The following ATM variants were observed in gnomAD, a reference collection of about 807,000 sequenced individuals.
ATM encodes ATM serine/threonine kinase.
ATM carries 308 observed loss-of-function variants against 387.0 expected under a neutral mutation model. That is an observed-to-expected ratio of 0.80 (90% CI 0.73 to 0.87). The LOEUF is 0.87. ATM is among the 40% of genes least tolerant of loss of function. The pLI is 0.00. For missense variants in ATM, 3,312 were observed against 3,560.9 expected, an observed-to-expected ratio of 0.93 and a Z score of 1.78; for synonymous variants, 1,156 against 1,187.3, an observed-to-expected ratio of 0.97 and a Z score of 0.54.
chr11:108,279,678 A>G lies in ATM; in HGVS notation c.3402+70A>G, dbSNP rs3218671. On this transcript the variant is annotated intron_variant, in intron 23 of 62. Coordinates refer to ENST00000675843, the MANE Select transcript of ATM (RefSeq NM_000051.4). ...TGAATATCCCATAAATTACTTCACC[A>G]AGTTTGGTATAAGAGAGTTTATAAT... is the stretch of plus-strand genomic sequence containing the variant. 2,677 of 1,238,494 alleles carry G rather than the reference A, an allele frequency of 2.2e-3. 51 individuals carry two copies. In the African/African-American group the frequency reaches 0.035, roughly 16 times the overall value. 76.7% of individuals were successfully genotyped at this position (1,238,494 alleles called of 1,614,324 possible).
At chr11:108,294,493 G>A (rs539408553) in intron 31 of ATM, among the ~76,000 whole-genome samples, 23 of 152,248 alleles carry the variant, frequency 1.5e-4, no homozygotes, top group South Asian at 1.2e-3. Context: ...TAATCCCAGT[G>A]CTTTGGAAGG....
chr11:108,253,319 G>C (rs748493343), intron 12 of ATM, among the ~76,000 whole-genome samples: 58 of 152,130 alleles, frequency 3.8e-4, no homozygotes, highest in Middle Eastern at 3.2e-3. Flanking sequence ...CCTGAGTTTA[G>C]TTGATTGACT....
rs2085974792 is a variant in ATM, at chr11:108,329,037, G to C, written c.7106G>C (p.Gly2369Ala). The C allele has an allele frequency of 6.2e-7, 1 of 1,614,058 alleles. No homozygotes were observed. Among genetic ancestry groups the C allele is most frequent in the Non-Finnish European group, 8.5e-7 (1 of 1,179,974 alleles). The change falls in exon 49 of 63, where the codon GGA becomes GCA. Residue 2369 changes from glycine (G) to alanine (A), a missense_variant. Physicochemically the swap from Gly to Ala is moderately conservative, Grantham distance 60 (BLOSUM62 0). Coordinates refer to ENST00000675843, the MANE Select transcript of ATM (RefSeq NM_000051.4). The stretch of plus-strand genomic sequence containing the variant: ...TTCTTGAAGGCAGTAGAAGTTGCTG[G>C]AAATTATGATGGAGAAAGTAGTGAT... ...TYLEKAVEVA[G>A]NYDGESSDEL...
rs1327530332 is a variant in ATM, at chr11:108,366,403, T to A, written c.*895T>A. 1 of 218,424 alleles carries A rather than the reference T, an allele frequency of 4.6e-6. No individual in the cohort carries two copies. Among genetic ancestry groups the A allele is most frequent in the African/African-American group, 2.2e-5 (1 of 44,568 alleles). 13.5% of individuals were successfully genotyped at this position (218,424 alleles called of 1,614,324 possible). On this transcript the variant is annotated 3_prime_UTR_variant, in exon 63 of 63. Transcript: ENST00000675843. ...CTTGATGTCATTTTTAATGTTTTTT[T>A]AATGTTTTTTATGTCACTAATTATT...
In ATM at chr11:108,335,922, G is replaced by A. The variant is rs150603052; in HGVS notation, c.8229G>A (p.Thr2743=). 53 of 1,613,768 alleles carry A rather than the reference G, an allele frequency of 3.3e-5. No individual in the cohort carries two copies. In the East Asian group the frequency reaches 8.5e-4, roughly 26 times the overall value. The change falls in exon 56 of 63, where the codon ACG becomes ACA. Residue 2743 remains threonine (T), a synonymous_variant. Coordinates refer to ENST00000675843, the MANE Select transcript of ATM (RefSeq NM_000051.4). ...GTAATACATTACTGCAGAGAAACAC[G>A]GAAACTAGGAAGAGGAAATTAACTA... The part of the protein sequence containing the change: ...QMCNTLLQRN[T]ETRKRKLTIC...
chr11:108,261,042 G>T (rs957430958), intron 16 of ATM, among the ~76,000 whole-genome samples: 5 of 152,200 alleles, frequency 3.3e-5, no homozygotes, highest in African/African-American at 9.6e-5. Context: ...AAACTGCAAG[G>T]CGGCAGCGAG....
chr11:108,300,017 T>A, intron 34 of ATM, 132 bp downstream of exon 34: 1 of 849,708 alleles, frequency 1.2e-6, no homozygotes, highest in Non-Finnish European at 1.8e-6. Flanking sequence ...ATGAAAATTC[T>A]TATATTTTTA....
chr11:108,354,064 CACACAA>C lies in ATM; in HGVS notation c.8786+190_8786+195del, dbSNP rs200076664. Among the ~76,000 whole-genome samples the C allele has an allele frequency of 0.026, 2,691 of 103,034 alleles. 39 individuals are homozygous for C. Among genetic ancestry groups the C allele is most frequent in the East Asian group, 0.048 (135 of 2,786 alleles). The allele number at this position is 103,034 out of a possible 152,430, so 67.6% of individuals were successfully genotyped here. A position where few individuals can be genotyped will look rare whatever the true frequency, so the allele number is the denominator to read the frequency against. On this transcript the variant is annotated intron_variant, in intron 60 of 62. Coordinates refer to ENST00000675843, the MANE Select transcript of ATM (RefSeq NM_000051.4). ...GACCCTGTATCTAAAAAAATACACA[CACACAA>C]ACACACACACACACACACACACACA...
chr11:108,229,414 CTG>C, intron 4 of ATM, 91 bp downstream of exon 4: 1 of 1,225,046 alleles, frequency 8.2e-7, no homozygotes, highest in Non-Finnish European at 1.2e-6. Context: ...AAGGACTTAA[CTG>C]TTGCATAAGT....
chr11:108,275,144 CTTTGTTGGATG>C (rs2081868076), intron 22 of ATM, among the ~76,000 whole-genome samples: 1 of 152,072 alleles, frequency 6.6e-6, no homozygotes, highest in African/African-American at 2.4e-5. Context: ...CTTTCTTGAT[CTTTGTTGGATG>C]TTTGTTTTAT....
intron 16 of ATM, among the ~76,000 whole-genome samples, chr11:108,263,426 T>A: frequency 7.5e-6 from 1 of 132,770 alleles, no homozygotes; most frequent in Non-Finnish European, 1.7e-5. Context: ...AAAGATGTTC[T>A]TTGAAACCAC....
chr11:108,338,952 T>A (rs532062629), intron 56 of ATM, among the ~76,000 whole-genome samples: 9 of 152,170 alleles, frequency 5.9e-5, no homozygotes, highest in Non-Finnish European at 1.2e-4. Flanking sequence ...TCAGGTCTTC[T>A]GTGGTCATTG....
intron 48 of ATM, 41 bp downstream of exon 48, chr11:108,327,799 T>C (rs2085834695): frequency 7.2e-7 from 1 of 1,380,158 alleles, no homozygotes; most frequent in East Asian, 2.3e-5. Flanking sequence ...TTACTTAGCA[T>C]GAATATGCTT....
intron 61 of ATM, among the ~76,000 whole-genome samples, chr11:108,363,776 C>T (rs2091052412): frequency 6.6e-6 from 1 of 152,182 alleles, no homozygotes; most frequent in African/African-American, 2.4e-5. Flanking sequence ...CCAGTTCCTC[C>T]TTAATTCTAA....
At chr11:108,363,753 T>C (rs1265929017) in intron 61 of ATM, among the ~76,000 whole-genome samples, 2 of 152,194 alleles carry the variant, frequency 1.3e-5, no homozygotes, top group East Asian at 3.8e-4. Flanking sequence ...TGAAACATAA[T>C]TTTTTACTTA....
intron 12 of ATM, among the ~76,000 whole-genome samples, chr11:108,253,438 TG>T (rs753401395): frequency 4.6e-5 from 7 of 152,132 alleles, no homozygotes; most frequent in Non-Finnish European, 1.0e-4. Context: ...CTATACCAGA[TG>T]TTAAAGGTTT....
At chr11:108,257,010 T>C (rs972926055) in intron 14 of ATM, among the ~76,000 whole-genome samples, 1 of 152,230 alleles carries the variant, frequency 6.6e-6, no homozygotes, top group African/African-American at 2.4e-5. Context: ...TAAAATGATT[T>C]ATAATCCTTT....
intron 16 of ATM, 132 bp from the exon 17 acceptor site, chr11:108,267,039 A>C (rs538273190): frequency 2.3e-6 from 2 of 860,726 alleles, no homozygotes; most frequent in African/African-American, 1.7e-5. Flanking sequence ...CAGGTGATCC[A>C]CCTGGCTCTG....
chr11:108,302,824 T>C lies in ATM; in HGVS notation c.5320-29T>C, dbSNP rs767788343. 7 of 1,579,538 alleles carry C rather than the reference T, an allele frequency of 4.4e-6. No individual in the cohort carries two copies. In the South Asian group the frequency reaches 5.5e-5, roughly 13 times the overall value. ...GGTACAATGATTTCCACTTCTCTTA[T>C]TTACATTTTCTAATCCCTTTCTTTC... On this transcript the variant is annotated intron_variant, in intron 35 of 62. Transcript: ENST00000675843.
Sources: gnomAD v4.1 joint callset for allele counts (sites outside exome capture counted in the v4.1 genomes callset) on GRCh38, gnomAD v4.1.1 for gene constraint, MANE v1.5 for transcripts, NCBI Gene and HGNC (gene_info 2026-07-23, HGNC 2026-07-21) for gene names.